ZNF365: variants seen among roughly 807,000 people sequenced by gnomAD.
ZNF365 encodes zinc finger protein 365.
In ZNF365, 22 loss-of-function variants were observed where a neutral mutation model predicts 35.0. The ratio of observed to expected loss-of-function variants is 0.63; its 90% CI spans 0.45 to 0.90. The LOEUF (loss-of-function observed/expected upper bound fraction) is 0.90. Ranked by LOEUF, ZNF365 falls within the 40% of genes least tolerant of loss-of-function variation. The pLI is 0.00. For missense variants in ZNF365, 448 were observed against 500.3 expected, an observed-to-expected ratio of 0.90 and a Z score of 1.00; for synonymous variants, 188 against 196.2, an observed-to-expected ratio of 0.96 and a Z score of 0.35.
intron 2 of ZNF365, 109 bp from the exon 3 acceptor site, chr10:62,388,286 CT>C: frequency 8.6e-7 from 1 of 1,161,254 alleles, no homozygotes. Flanking sequence ...CCATGGAGTA[CT>C]GCCTAGGGTG....
In ZNF365 at chr10:62,400,820, G is replaced by A. The variant is rs1839816137; in HGVS notation, c.*1031G>A. ...TTGCCTCCTGCTGCTTCTGTGCCCT[G>A]TTAAGGGCTTCAGGTATCTTTCAAC... On this transcript the variant is annotated 3_prime_UTR_variant, in exon 5 of 5. Transcript: ENST00000395254. The A allele has an allele frequency of 2.4e-6, 2 of 833,438 alleles. No homozygotes were observed. The highest frequency in any genetic ancestry group is 1.2e-4 in the South Asian group (2 of 16,462). The allele number at this position is 833,438 out of a possible 1,614,324, so 51.6% of individuals were successfully genotyped here.
intron 4 of ZNF365, among the ~76,000 whole-genome samples, chr10:62,460,371 T>G (rs1330294383): frequency 6.6e-6 from 1 of 152,236 alleles, no homozygotes; most frequent in African/African-American, 2.4e-5. Context: ...TACATGTTTT[T>G]TCTTATAAAT....
intron 3 of ZNF365, among the ~76,000 whole-genome samples, chr10:62,439,811 G>A (rs1382039874): frequency 6.6e-6 from 1 of 152,120 alleles, no homozygotes; most frequent in Non-Finnish European, 1.5e-5. Flanking sequence ...ATAATTTGGT[G>A]TACTGTTACT....
At chr10:62,479,926 G>C (rs375001685) in exon 5 of ZNF365, 1 of 1,612,414 alleles carries the variant, frequency 6.2e-7, no homozygotes, top group Non-Finnish European at 8.5e-7. Context: ...TTCTGGATGA[G>C]GACTTGGATC....
chr10:62,459,766 G>A (rs762051669), exon 4 of ZNF365: 13 of 1,610,794 alleles, frequency 8.1e-6, no homozygotes, highest in African/African-American at 5.3e-5. Flanking sequence ...GGCGAAGCTC[G>A]CCTGGTGTGC....
intron 3 of ZNF365, among the ~76,000 whole-genome samples, chr10:62,456,378 C>T (rs1309351189): frequency 6.6e-6 from 1 of 152,072 alleles, no homozygotes; most frequent in Admixed American, 6.5e-5. Context: ...CTGAATTGAA[C>T]ATTATGTTGT....
At position 62,436,587 on chromosome 10, in the gene ZNF365, C is replaced by A. The variant is rs188071570; in HGVS notation, c.925-23154C>A. Among the ~76,000 whole-genome samples the A allele has an allele frequency of 2.7e-3, 416 of 152,300 alleles. 3 individuals carry two copies. The highest frequency in any genetic ancestry group is 0.015 in the South Asian group (73 of 4,822). Reference sequence around the variant, plus strand: ...TATTTCATTAAGGCAGGAAGATTTTCACCAAGAAATTTTTATTCACTAAGA... The same window carrying A: ...TATTTCATTAAGGCAGGAAGATTTTAACCAAGAAATTTTTATTCACTAAGA... On this transcript the variant is annotated intron_variant, in intron 3 of 4. Coordinates refer to the ZNF365 transcript ENST00000395255.
chr10:62,430,097 TATAATA>T (rs1298551272), intron 3 of ZNF365, among the ~76,000 whole-genome samples: 6 of 152,214 alleles, frequency 3.9e-5, no homozygotes, highest in Non-Finnish European at 8.8e-5. Context: ...ATGATTTCAC[TATAATA>T]ATAAGAATTT....
chr10:62,418,601 T>A, intron 3 of ZNF365, among the ~76,000 whole-genome samples: 1 of 94,950 alleles, frequency 1.1e-5, no homozygotes, highest in Non-Finnish European at 2.5e-5. Flanking sequence ...ATAATAAATT[T>A]TCGTAATAAA....
intron 3 of ZNF365, among the ~76,000 whole-genome samples, chr10:62,452,313 C>A (rs1456894769): frequency 6.6e-6 from 1 of 152,106 alleles, no homozygotes; most frequent in Admixed American, 6.5e-5. Context: ...GAGGAAAGGC[C>A]ATTTCTGTAT....
intron 3 of ZNF365, among the ~76,000 whole-genome samples, chr10:62,408,688 A>G (rs1839940890): frequency 6.6e-6 from 1 of 152,162 alleles, no homozygotes; most frequent in Non-Finnish European, 1.5e-5. Flanking sequence ...GTTGGGGGAT[A>G]TATGGGCCAG....
chr10:62,441,937 T>G (rs1180465352), intron 3 of ZNF365, among the ~76,000 whole-genome samples: 1 of 152,162 alleles, frequency 6.6e-6, no homozygotes, highest in Non-Finnish European at 1.5e-5. Context: ...CTCGTTTGCT[T>G]CAGCTCATAA....
intron 3 of ZNF365, among the ~76,000 whole-genome samples, chr10:62,415,052 G>A (rs890413944): frequency 6.7e-6 from 1 of 149,546 alleles, no homozygotes; most frequent in Non-Finnish European, 1.5e-5. Context: ...ACGGTTCTCT[G>A]AGAAATTCCT....
intron 2 of ZNF365, among the ~76,000 whole-genome samples, chr10:62,379,460 T>G (rs922056323): frequency 6.6e-6 from 1 of 152,228 alleles, no homozygotes; most frequent in African/African-American, 2.4e-5. Context: ...GTCTTTTTTT[T>G]TTTTAAACGT....
intron 3 of ZNF365, 49 bp from the exon 4 acceptor site, chr10:62,398,691 T>C: frequency 6.4e-7 from 1 of 1,567,032 alleles, no homozygotes. Flanking sequence ...AAAAACCAAA[T>C]CCAGTCCTCA....
At position 62,401,799 on chromosome 10, in the gene ZNF365, A is replaced by G; in HGVS notation, c.*2010A>G. On this transcript the variant is annotated 3_prime_UTR_variant, in exon 5 of 5. Coordinates refer to ENST00000395254, the MANE Select transcript of ZNF365 (RefSeq NM_014951.3). ...GACATTTTGGATTTTCATCTAACAT[A>G]GAGGGCATGGCAACTCTCTTTGACA... The G allele has an allele frequency of 6.1e-6, 6 of 985,532 alleles. No individual in the cohort carries two copies. Among genetic ancestry groups the G allele is most frequent in the Non-Finnish European group, 7.2e-6 (6 of 829,926 alleles). 61.0% of individuals were successfully genotyped at this position (985,532 alleles called of 1,614,324 possible). A position where few individuals can be genotyped will look rare whatever the true frequency, so the allele number is the denominator to read the frequency against.
At chr10:62,450,233 G>A (rs991785913) in intron 3 of ZNF365, among the ~76,000 whole-genome samples, 27 of 152,136 alleles carry the variant, frequency 1.8e-4, no homozygotes, top group African/African-American at 3.4e-4. Context: ...TTGTAACAAC[G>A]ATAGCTAATA....
chr10:62,471,355 G>C (rs12248090), intron 4 of ZNF365, among the ~76,000 whole-genome samples: 3,932 of 133,976 alleles, frequency 0.029, 177 homozygotes, highest in African/African-American at 0.11. Flanking sequence ...GACAGAGCAA[G>C]ACTCTGTCTC....
intron 3 of ZNF365, among the ~76,000 whole-genome samples, chr10:62,395,557 A>G (rs1839711685): frequency 7.6e-6 from 1 of 132,102 alleles, no homozygotes; most frequent in African/African-American, 2.9e-5. Flanking sequence ...GGGTTTCACC[A>G]TATGGGCCAG....
Sources: allele counts gnomAD v4.1 joint callset (sites outside exome capture counted in the v4.1 genomes callset), GRCh38; gene constraint gnomAD v4.1.1; transcripts MANE v1.5; gene names NCBI Gene and HGNC (gene_info 2026-07-23, HGNC 2026-07-21).